Variants in NRG1 observed in about 807,000 individuals in gnomAD.
The protein encoded by NRG1 is pro-neuregulin-1, membrane-bound isoform.
Under a neutral mutation model 63.8 loss-of-function variants are expected in NRG1, and 18 were observed. The ratio of observed to expected loss-of-function variants is 0.28; its 90% CI spans 0.19 to 0.42. The LOEUF is 0.42. NRG1 is among the 10% of genes least tolerant of loss of function. NRG1 has a pLI of 1.00. For missense variants in NRG1, 762 were observed against 814.7 expected (o/e 0.94, Z 0.79); for synonymous variants, 302 against 301.3 (o/e 1.00, Z -0.02).
At chr8:32,741,442 A>G (rs1696703860) in intron 6 of NRG1, among the ~76,000 whole-genome samples, 1 of 152,164 alleles carries the variant, frequency 6.6e-6, no homozygotes, top group South Asian at 2.1e-4. Flanking sequence ...ACAAGAGTTT[A>G]TTTGTAATGT....
intron 1 of NRG1, among the ~76,000 whole-genome samples, chr8:31,683,813 C>A (rs894443207): frequency 9.2e-5 from 14 of 152,088 alleles, no homozygotes; most frequent in African/African-American, 3.4e-4. Context: ...TATATGGGAA[C>A]TCTCACTACT....
At chr8:32,195,409 A>C (rs1188983100) in intron 1 of NRG1, among the ~76,000 whole-genome samples, 1 of 149,456 alleles carries the variant, frequency 6.7e-6, no homozygotes, top group Non-Finnish European at 1.5e-5. Context: ...ACTGCAGTCC[A>C]GCCTAGGTGA....
intron 1 of NRG1, among the ~76,000 whole-genome samples, chr8:32,237,042 C>G (rs1426388966): frequency 6.6e-6 from 1 of 152,210 alleles, no homozygotes; most frequent in East Asian, 1.9e-4. Context: ...CCACACTATC[C>G]TTTCAGCCTT....
chr8:31,962,354 A>C (rs1415230121), intron 1 of NRG1, among the ~76,000 whole-genome samples: 1 of 152,158 alleles, frequency 6.6e-6, no homozygotes, highest in East Asian at 1.9e-4. Context: ...GTTGACAAAC[A>C]ATCACACATT....
intron 1 of NRG1, among the ~76,000 whole-genome samples, chr8:31,787,741 T>C (rs183874132): frequency 2.7e-3 from 418 of 152,342 alleles, no homozygotes; most frequent in African/African-American, 9.5e-3. Flanking sequence ...ATATATGTAC[T>C]TCTCTTGTTC....
intron 1 of NRG1, among the ~76,000 whole-genome samples, chr8:31,910,510 C>A (rs546414893): frequency 1.3e-5 from 2 of 152,046 alleles, no homozygotes; most frequent in Non-Finnish European, 2.9e-5. Flanking sequence ...AGAAGGCTAC[C>A]AGAACAGTCC....
rs533714102 is a variant in NRG1, at chr8:32,069,214, A to C, written c.37+429783A>C. 2.9e-4 allele frequency among the ~76,000 whole-genome samples: 44 copies of C among 152,326 alleles called. 2 individuals carry two copies. The highest frequency in any genetic ancestry group is 7.7e-4 in the East Asian group (4 of 5,174). ...CAAAGTGAACTTATCTGAGTTTGAC[A>C]AATAATCCCCTACAGCAAGACAAAG... is the stretch of plus-strand genomic sequence containing the variant. On this transcript the variant is annotated intron_variant, in intron 1 of 10. Coordinates refer to the NRG1 transcript ENST00000519301.
rs182514510 is a variant in NRG1, at chr8:32,325,382, G to T, written c.38-270446G>T. On this transcript the variant is annotated intron_variant, in intron 1 of 10. Transcript: ENST00000519301. ...ATTTATATAATTAAAAAATTTTTTT[G>T]TTGTTGTTTGTTTGTTTTGAGACAG... 3.5e-3 allele frequency among the ~76,000 whole-genome samples: 528 copies of T among 152,168 alleles called. 1 individual carries two copies. The highest frequency in any genetic ancestry group is 0.012 in the African/African-American group (506 of 41,532).
intron 1 of NRG1, among the ~76,000 whole-genome samples, chr8:31,875,595 T>C (rs926930742): frequency 6.6e-6 from 1 of 152,060 alleles, no homozygotes; most frequent in African/African-American, 2.4e-5. Context: ...TGGGTTCTCT[T>C]TTCTTCCTGT....
chr8:32,626,615 G>A (rs1253148544), intron 5 of NRG1, among the ~76,000 whole-genome samples: 2 of 151,964 alleles, frequency 1.3e-5, no homozygotes, highest in Non-Finnish European at 2.9e-5. Flanking sequence ...GGGAGGTGGA[G>A]TTTGCAGTGA....
At chr8:32,163,657 A>G (rs1381042732) in intron 1 of NRG1, among the ~76,000 whole-genome samples, 2 of 152,202 alleles carry the variant, frequency 1.3e-5, no homozygotes, top group Non-Finnish European at 2.9e-5. Context: ...GAATGGGGTC[A>G]TAGTCTTCAA....
chr8:32,634,332 G>A (rs1850919944), intron 5 of NRG1, among the ~76,000 whole-genome samples: 1 of 152,068 alleles, frequency 6.6e-6, no homozygotes, highest in African/African-American at 2.4e-5. Context: ...AAATGAAAGA[G>A]AGAAATCACA....
chr8:31,674,006 A>T (rs1466454153), intron 1 of NRG1, among the ~76,000 whole-genome samples: 2 of 152,158 alleles, frequency 1.3e-5, no homozygotes, highest in Non-Finnish European at 2.9e-5. Context: ...CTATAGATTT[A>T]CCTTTTCTAG....
intron 1 of NRG1, among the ~76,000 whole-genome samples, chr8:32,050,381 T>G (rs753779259): frequency 2.0e-5 from 3 of 152,282 alleles, no homozygotes; most frequent in African/African-American, 4.8e-5. Flanking sequence ...GAACGTGGTG[T>G]TCTGTCACTT....
chr8:31,691,831 C>T (rs1296082028), intron 1 of NRG1, among the ~76,000 whole-genome samples: 1 of 151,826 alleles, frequency 6.6e-6, no homozygotes, highest in Non-Finnish European at 1.5e-5. Context: ...TATTCCTATA[C>T]TTTTTATTTG....
chr8:31,660,012 C>T (rs147514170), intron 1 of NRG1, among the ~76,000 whole-genome samples: 14 of 152,216 alleles, frequency 9.2e-5, no homozygotes, highest in African/African-American at 2.2e-4. Context: ...AGAGGGGTTA[C>T]GGAATTTGCC....
chr8:31,814,306 C>A (rs934483254), intron 1 of NRG1, among the ~76,000 whole-genome samples: 2 of 152,142 alleles, frequency 1.3e-5, no homozygotes, highest in Non-Finnish European at 2.9e-5. Flanking sequence ...CAGTGGGCAT[C>A]GTGGGTCAGT....
At chr8:31,792,583 T>G (rs2131670606) in intron 1 of NRG1, among the ~76,000 whole-genome samples, 1 of 152,354 alleles carries the variant, frequency 6.6e-6, no homozygotes, top group Admixed American at 6.5e-5. Flanking sequence ...TTAGTAAAAA[T>G]TTAATACTGC....
intron 1 of NRG1, among the ~76,000 whole-genome samples, chr8:32,020,485 T>C (rs192050752): frequency 6.6e-6 from 1 of 152,320 alleles, no homozygotes; most frequent in African/African-American, 2.4e-5. Flanking sequence ...CCTTGCTTTA[T>C]TGCAATGCTT....
Sources: allele counts gnomAD v4.1 joint callset (sites outside exome capture counted in the v4.1 genomes callset), GRCh38; gene constraint gnomAD v4.1.1; transcripts MANE v1.5; gene names NCBI Gene and HGNC (gene_info 2026-07-23, HGNC 2026-07-21).